The following ALDH18A1 variants were observed in gnomAD, a reference collection of about 807,000 sequenced individuals.
ALDH18A1 encodes delta-1-pyrroline-5-carboxylate synthase.
A neutral mutation model predicts 88.8 loss-of-function variants in ALDH18A1; 44 were observed. The observed-to-expected ratio is 0.50, with a 90% CI of 0.39 to 0.64. The LOEUF is 0.64. ALDH18A1 is among the 30% of genes least tolerant of loss of function. The probability of loss-of-function intolerance (pLI) is 0.00; values close to 1 mark genes in which losing one functional copy is unlikely to be tolerated. For synonymous variants in ALDH18A1, 331 were observed against 372.1 expected (o/e 0.89, Z 1.27); for missense variants, 782 against 1,009.5 (o/e 0.77, Z 3.05).
At chr10:95,634,314 C>G (rs954604811) in intron 5 of ALDH18A1, among the ~76,000 whole-genome samples, 2 of 152,118 alleles carry the variant, frequency 1.3e-5, no homozygotes, top group African/African-American at 4.8e-5. Context: ...CTGTTGTCCA[C>G]GCTGGACTTG....
chr10:95,644,665 G>A (rs937976907), intron 2 of ALDH18A1, among the ~76,000 whole-genome samples: 6 of 152,174 alleles, frequency 3.9e-5, no homozygotes, highest in Admixed American at 2.0e-4. Context: ...GCCACCAGTC[G>A]AAAGACTACA....
intron 1 of ALDH18A1, among the ~76,000 whole-genome samples, chr10:95,654,965 T>C (rs2097915584): frequency 6.6e-6 from 1 of 152,110 alleles, no homozygotes; most frequent in Admixed American, 6.6e-5. Flanking sequence ...TTCTATAGGT[T>C]AGCTTTTAAA....
intron 9 of ALDH18A1, 100 bp from the exon 10 acceptor site, chr10:95,626,876 C>T (rs1177855016): frequency 6.5e-6 from 8 of 1,221,632 alleles, no homozygotes; most frequent in African/African-American, 1.5e-5. Flanking sequence ...AAGCTCATCA[C>T]GCCCACAGAA....
intron 1 of ALDH18A1, among the ~76,000 whole-genome samples, chr10:95,656,220 C>T (rs1277882090): frequency 1.3e-5 from 2 of 152,312 alleles, no homozygotes; most frequent in Admixed American, 6.5e-5. Context: ...CCCACCAGTG[C>T]AGGCTCCATA....
chr10:95,639,203 T>C (rs2097886747), intron 3 of ALDH18A1, among the ~76,000 whole-genome samples: 1 of 152,090 alleles, frequency 6.6e-6, no homozygotes, highest in Admixed American at 6.6e-5. Flanking sequence ...AAGTAGCATG[T>C]GCCTGTAGTC....
At chr10:95,640,444 C>A (rs2097889322) in intron 3 of ALDH18A1, among the ~76,000 whole-genome samples, 1 of 151,952 alleles carries the variant, frequency 6.6e-6, no homozygotes, top group Non-Finnish European at 1.5e-5. Flanking sequence ...CAGGTTCAAG[C>A]AATTCTACTG....
Position 95,653,300 on chromosome 10 carries a change from G to A in ALDH18A1, c.78C>T (p.Val26=). The change falls in exon 2 of 18, where the codon GTC becomes GTT. Residue 26 remains valine, a synonymous_variant. Transcript: ENST00000371224. ...TTCTATGGTACATACGAGATCTGAA[G>A]ACGGTTGTACACTTGACCCAGGGCA... ...HLLPWVKCTT[V]FRSHCIQPSV... The A allele has an allele frequency of 1.2e-6, 2 of 1,611,874 alleles. No homozygotes were observed. The highest frequency in any genetic ancestry group is 2.7e-5 in the African/African-American group (2 of 74,230).
At chr10:95,631,802 C>T (rs1348493792) in intron 7 of ALDH18A1, among the ~76,000 whole-genome samples, 1 of 147,004 alleles carries the variant, frequency 6.8e-6, no homozygotes, top group African/African-American at 2.5e-5. Context: ...CACATTAGAA[C>T]CTTCATACAA....
In ALDH18A1 at chr10:95,606,213, C is replaced by T. The variant is rs1437507008; in HGVS notation, c.*549G>A. The T allele has an allele frequency of 3.9e-5, 38 of 980,694 alleles. No homozygotes were observed. The highest frequency in any genetic ancestry group is 4.5e-5 in the Non-Finnish European group (37 of 822,634). 60.7% of individuals were successfully genotyped at this position (980,694 alleles called of 1,614,324 possible). A position where few individuals can be genotyped will look rare whatever the true frequency, so the allele number is the denominator to read the frequency against. ...AGCATCTGGAATGCTTATTAATTTA[C>T]CCCACAAATAAATACAAAAGGTCAA... On this transcript the variant is annotated 3_prime_UTR_variant, in exon 18 of 18. Transcript: ENST00000371224.
chr10:95,636,813 ATATTT>A (rs1482044364), intron 5 of ALDH18A1, among the ~76,000 whole-genome samples: 1 of 152,244 alleles, frequency 6.6e-6, no homozygotes, highest in Non-Finnish European at 1.5e-5. Flanking sequence ...ACAAGAACTG[ATATTT>A]ACTGACAATG....
rs143081237 is a variant in ALDH18A1 at position 95,639,291 on chromosome 10, C to T, written c.304-1855G>A. Among the ~76,000 whole-genome samples, 456 of 152,190 alleles carry T rather than the reference C, an allele frequency of 3.0e-3. 3 individuals carry two copies. The highest frequency in any genetic ancestry group is 0.01 in the African/African-American group (430 of 41,524). On this transcript the variant is annotated intron_variant, in intron 3 of 17. Coordinates refer to ENST00000371224, the MANE Select transcript of ALDH18A1 (RefSeq NM_002860.4). ...GCTGCAGTGAACTATGATTACACCA[C>T]TGCATTCCAGTCTAGGTGACAGAGC... is the stretch of plus-strand genomic sequence containing the variant.
chr10:95,637,261 T>C (rs2097882514), intron 4 of ALDH18A1, 26 bp downstream of exon 4: 1 of 1,614,058 alleles, frequency 6.2e-7, no homozygotes, highest in African/African-American at 1.3e-5. Context: ...AAGATCCATT[T>C]CAATGTGTGG....
At chr10:95,616,422 C>T in intron 13 of ALDH18A1, 55 bp downstream of exon 13, 2 of 1,550,994 alleles carry the variant, frequency 1.3e-6, no homozygotes, top group Non-Finnish European at 1.7e-6. Flanking sequence ...TTTAAATTCC[C>T]AAACACCTGA....
chr10:95,609,785 T>TTTTTTTTTTG (rs1589474628), intron 17 of ALDH18A1, among the ~76,000 whole-genome samples: 1 of 149,306 alleles, frequency 6.7e-6, no homozygotes, highest in Non-Finnish European at 1.5e-5. Context: ...TTTTTTTTTT[T>TTTTTTTTTTG]GAGATGGTGT....
intron 16 of ALDH18A1, 47 bp from the exon 17 acceptor site, chr10:95,610,339 A>T (rs1565993719): frequency 6.3e-7 from 1 of 1,578,786 alleles, no homozygotes; most frequent in Non-Finnish European, 8.7e-7. Flanking sequence ...TACCCAGAGA[A>T]CATCCCTGTT....
At chr10:95,641,695 G>A (rs2139637273) in intron 3 of ALDH18A1, among the ~76,000 whole-genome samples, 1 of 152,160 alleles carries the variant, frequency 6.6e-6, no homozygotes, top group Non-Finnish European at 1.5e-5. Flanking sequence ...CTGGAGTGCA[G>A]TCGCATGATC....
chr10:95,609,767 C>CTCTTTTTT (rs1193875091), intron 17 of ALDH18A1, among the ~76,000 whole-genome samples: 1 of 30,696 alleles, frequency 3.3e-5, no homozygotes. Context: ...AAGTCTGTCT[C>CTCTTTTTT]TATTTTTTTT....
intron 13 of ALDH18A1, among the ~76,000 whole-genome samples, 191 bp downstream of exon 13, chr10:95,616,286 C>T (rs2097844016): frequency 6.6e-6 from 1 of 152,208 alleles, no homozygotes; most frequent in Non-Finnish European, 1.5e-5. Context: ...AAGGGAGGGG[C>T]CTTCCTAAGC....
In ALDH18A1 at chr10:95,614,079, A is replaced by G. The variant is rs746765507; in HGVS notation, c.1688T>C (p.Leu563Pro). ...AGCAGCTTTCTGGATGTCTCTGACCAGCTGGGAAGAGCCACGTGGAATGAT... is the reference window on the plus strand; with the variant it reads ...AGCAGCTTTCTGGATGTCTCTGACCGGCTGGGAAGAGCCACGTGGAATGAT... ...DLIIPRGSSQ[L>P]VRDIQKAAKG... The change falls in exon 14 of 18, where the codon CTG becomes CCG. Residue 563 changes from leucine to proline, a missense_variant. Physicochemically the swap from Leu to Pro is moderately conservative, Grantham distance 98. Around this residue, in one of 3 missense-constraint regions of ALDH18A1, gnomAD observed 556 missense variants for 654.5 expected, o/e 0.85. Coordinates refer to ENST00000371224, the MANE Select transcript of ALDH18A1 (RefSeq NM_002860.4). The G allele has an allele frequency of 1.2e-6, 2 of 1,614,238 alleles. No homozygotes were observed. The highest frequency in any genetic ancestry group is 2.2e-5 in the South Asian group (2 of 91,088).
Sources: gnomAD v4.1 joint callset for allele counts (sites outside exome capture counted in the v4.1 genomes callset) on GRCh38, gnomAD v4.1.1 for gene constraint, gnomAD v4.1.1 regional missense constraint, MANE v1.5 for transcripts, NCBI Gene and HGNC (gene_info 2026-07-23, HGNC 2026-07-21) for gene names.